KPNA6: variants seen among roughly 807,000 people sequenced by gnomAD.
KPNA6 encodes the protein importin subunit alpha-7.
Under a neutral mutation model 72.0 loss-of-function variants are expected in KPNA6, and 9 were observed. That is an observed-to-expected ratio of 0.13 (90% CI 0.08 to 0.22). The LOEUF is 0.22. Ranked by LOEUF, KPNA6 falls within the 10% of genes least tolerant of loss-of-function variation. KPNA6 has a pLI of 1.00. For missense variants in KPNA6, 374 were observed against 655.7 expected (o/e 0.57, Z 4.69); for synonymous variants, 219 against 242.1 (o/e 0.90, Z 0.89).
intron 1 of KPNA6, among the ~76,000 whole-genome samples, chr1:32,142,278 A>G (rs951055700): frequency 2.0e-5 from 3 of 151,356 alleles, no homozygotes; most frequent in Non-Finnish European, 4.4e-5. Flanking sequence ...AAAAAAAAAA[A>G]AAAGTTGTCA....
chr1:32,132,388 G>A (rs1008737488), intron 1 of KPNA6, among the ~76,000 whole-genome samples: 2 of 152,108 alleles, frequency 1.3e-5, no homozygotes, highest in African/African-American at 4.8e-5. Flanking sequence ...AGCCTCAACC[G>A]CAAGGGCTCA....
intron 9 of KPNA6, 63 bp downstream of exon 9, chr1:32,162,587 A>G: frequency 6.3e-7 from 1 of 1,580,482 alleles, no homozygotes; most frequent in Non-Finnish European, 8.7e-7. Flanking sequence ...TTATAATCCC[A>G]GCACTTTGGG....
At chr1:32,160,798 G>A in intron 7 of KPNA6, 95 bp downstream of exon 7, 2 of 838,154 alleles carry the variant, frequency 2.4e-6, no homozygotes, top group Admixed American at 1.9e-5. Context: ...AAGATGATAG[G>A]TAAGTGCAAA....
intron 1 of KPNA6, among the ~76,000 whole-genome samples, chr1:32,110,695 G>T (rs1641231627): frequency 6.6e-6 from 1 of 152,124 alleles, no homozygotes; most frequent in South Asian, 2.1e-4. Context: ...TCAGGAGGAC[G>T]ACACCAACCT....
At chr1:32,157,310 T>A in intron 3 of KPNA6, 36 bp from the exon 4 acceptor site, 1 of 1,525,902 alleles carries the variant, frequency 6.6e-7, no homozygotes, top group Non-Finnish European at 9.1e-7. Context: ...GCTCTAATGT[T>A]GGTTTGCAAA....
chr1:32,166,323 C>T, intron 11 of KPNA6, 93 bp downstream of exon 11: 1 of 1,462,026 alleles, frequency 6.8e-7, no homozygotes, highest in Non-Finnish European at 9.2e-7. Context: ...AATTTGTTTC[C>T]CTTTAAAAAT....
chr1:32,155,053 G>C (rs1158852499), intron 2 of KPNA6, among the ~76,000 whole-genome samples: 1 of 140,388 alleles, frequency 7.1e-6, no homozygotes, highest in Admixed American at 7.9e-5. Flanking sequence ...GGAGGTTGCA[G>C]GAGCTGAGTT....
rs1189704485 is a variant in KPNA6 at position 32,172,980 on chromosome 1, T to C, written c.*2086T>C. ...GCAGTCCCACTTCAAAGCCATTTTC[T>C]GAGGAGGATGGTTTAGGTCTGGCAA... On this transcript the variant is annotated 3_prime_UTR_variant, in exon 14 of 14. Transcript: ENST00000373625. 1 of 398,026 alleles carries C rather than the reference T, an allele frequency of 2.5e-6. No individual in the cohort carries two copies. The highest frequency in any genetic ancestry group is 4.4e-6 in the Non-Finnish European group (1 of 225,862). 24.7% of individuals were successfully genotyped at this position (398,026 alleles called of 1,614,324 possible).
At chr1:32,156,996 A>T (rs769183383) in intron 3 of KPNA6, 51 bp downstream of exon 3, 4 of 1,388,034 alleles carry the variant, frequency 2.9e-6, no homozygotes, top group Non-Finnish European at 3.0e-6. Flanking sequence ...CCTGCTTCTA[A>T]GGACAGAAAT....
At chr1:32,155,526 T>C (rs1202450823) in intron 2 of KPNA6, among the ~76,000 whole-genome samples, 1 of 151,790 alleles carries the variant, frequency 6.6e-6, no homozygotes, top group African/African-American at 2.4e-5. Context: ...TTTCACCATG[T>C]TGGCCAGACT....
intron 10 of KPNA6, 96 bp from the exon 11 acceptor site, chr1:32,166,004 AAAAAC>A: frequency 8.7e-6 from 12 of 1,385,898 alleles, no homozygotes; most frequent in Admixed American, 5.0e-5. Flanking sequence ...TCTCAAAAAA[AAAAAC>A]AAAAACAACA....
rs772603717 is a variant in KPNA6 at position 32,163,215 on chromosome 1, C to G, written c.912-20C>G. On this transcript the variant is annotated intron_variant, in intron 9 of 13. Coordinates refer to ENST00000373625, the MANE Select transcript of KPNA6 (RefSeq NM_012316.5). The stretch of plus-strand genomic sequence containing the variant: ...GAAAATGGTGTGCTGGCCTTCTGAT[C>G]AGATCTCCCTCCTCTGTAGGCACAA... The G allele has an allele frequency of 1.4e-5, 22 of 1,572,008 alleles. No homozygotes were observed. Among genetic ancestry groups the G allele is most frequent in the Admixed American group, 1.7e-5 (1 of 59,738 alleles).
chr1:32,122,203 G>A lies in KPNA6; in HGVS notation c.4+14069G>A, dbSNP rs1168214258. Among the ~76,000 whole-genome samples the A allele has an allele frequency of 2.6e-5, 4 of 152,276 alleles. No homozygotes were observed. In the East Asian group the frequency reaches 7.7e-4, roughly 29 times the overall value. Reference sequence around the variant, plus strand: ...GCAACAGAATCGCTTGAACCCAAGAGGCAGAGGTTGCAGTGAGCCGAGATC... The same window carrying A: ...GCAACAGAATCGCTTGAACCCAAGAAGCAGAGGTTGCAGTGAGCCGAGATC... On this transcript the variant is annotated intron_variant, in intron 1 of 13. Coordinates refer to ENST00000373625, the MANE Select transcript of KPNA6 (RefSeq NM_012316.5).
intron 1 of KPNA6, among the ~76,000 whole-genome samples, chr1:32,139,122 C>T (rs1641793426): frequency 6.6e-6 from 1 of 151,998 alleles, no homozygotes; most frequent in Admixed American, 6.6e-5. Flanking sequence ...CGTATATGCT[C>T]GATGAGTATA....
At chr1:32,142,831 C>G in intron 1 of KPNA6, 11 of 616,226 alleles carry the variant, frequency 1.8e-5, no homozygotes, top group Non-Finnish European at 2.6e-5. Flanking sequence ...TGCAGATGTT[C>G]CTCCTTCCAA....
chr1:32,133,687 A>G (rs1206530099), intron 1 of KPNA6, among the ~76,000 whole-genome samples: 1 of 152,064 alleles, frequency 6.6e-6, no homozygotes, highest in Non-Finnish European at 1.5e-5. Context: ...CTGTCTCAAA[A>G]ACAAAACAAA....
intron 1 of KPNA6, among the ~76,000 whole-genome samples, chr1:32,149,673 TG>T (rs1457045332): frequency 6.6e-6 from 1 of 152,240 alleles, no homozygotes; most frequent in Non-Finnish European, 1.5e-5. Context: ...TTTCATTTTG[TG>T]GATATCCGAG....
rs777778173 is a variant in KPNA6 at position 32,161,971 on chromosome 1, G to A, written c.672G>A (p.Leu224=). 1.6e-5 allele frequency: 26 copies of A among 1,613,992 alleles called. No individual in the cohort carries two copies. Among genetic ancestry groups the A allele is most frequent in the African/African-American group, 4.0e-5 (3 of 74,918 alleles). The change falls in exon 8 of 14, where the codon CTG becomes CTA. Residue 224 remains leucine, a synonymous_variant. Transcript: ENST00000373625. The stretch of plus-strand genomic sequence containing the variant: ...GACTCCTTACCAAGTCCACACGACT[G>A]ACGATGACACGGAATGCAGTCTGGG... ...LLTLLTKSTR[L]TMTRNAVWAL...
At chr1:32,131,981 T>A (rs1283875194) in intron 1 of KPNA6, among the ~76,000 whole-genome samples, 1 of 151,514 alleles carries the variant, frequency 6.6e-6, no homozygotes, top group Admixed American at 6.6e-5. Flanking sequence ...TTATTTTTTA[T>A]TTTTTTTGAG....
Sources: allele counts gnomAD v4.1 joint callset (sites outside exome capture counted in the v4.1 genomes callset), GRCh38; gene constraint gnomAD v4.1.1; transcripts MANE v1.5; gene names NCBI Gene and HGNC (gene_info 2026-07-23, HGNC 2026-07-21).